SMIM12: variants seen among roughly 807,000 people sequenced by gnomAD.
SMIM12 encodes the protein small integral membrane protein 12.
A neutral mutation model predicts 6.3 loss-of-function variants in SMIM12; 5 were observed. The observed-to-expected ratio is 0.80, with a 90% CI of 0.42 to 1.68. The LOEUF is 1.68. Among genes scored for constraint, SMIM12 ranks in the 40% most tolerant of loss-of-function variants. The pLI, the probability that SMIM12 is intolerant of heterozygous loss-of-function variation, is 0.02. For synonymous variants in SMIM12, 51 were observed against 48.0 expected (o/e 1.06, Z -0.26); for missense variants, 103 against 121.4 (o/e 0.85, Z 0.71).
intron 1 of SMIM12, 30 bp from the exon 2 acceptor site, chr1:34,856,012 A>C: frequency 6.6e-7 from 1 of 1,514,444 alleles, no homozygotes; most frequent in Non-Finnish European, 8.9e-7. Flanking sequence ...AGCATTAGAG[A>C]ACCCAGCATC....
In SMIM12 at chr1:34,855,507, C is replaced by T; in HGVS notation, c.*192G>A. 6.2e-7 allele frequency: 1 copy of T among 1,609,466 alleles called. No homozygotes were observed. The highest frequency in any genetic ancestry group is 8.5e-7 in the Non-Finnish European group (1 of 1,177,484). On this transcript the variant is annotated 3_prime_UTR_variant, in exon 2 of 2. Coordinates refer to ENST00000521580, the MANE Select transcript of SMIM12 (RefSeq NM_138428.6). Reference sequence around the variant, plus strand: ...ACCACACAACAGATGCGGCCTTCCTCTTCACTGGCCCCTCGGCTGCTGCTG... The same window carrying T: ...ACCACACAACAGATGCGGCCTTCCTTTTCACTGGCCCCTCGGCTGCTGCTG...
intron 1 of SMIM12, chr1:34,859,418 C>T (rs1326817756): frequency 1.3e-5 from 2 of 152,372 alleles, no homozygotes; most frequent in Admixed American, 6.5e-5. Context: ...ACCCTTCTCC[C>T]TTCTGTGAGT....
intron 1 of SMIM12, chr1:34,858,058 G>A (rs988855382): frequency 2.0e-5 from 3 of 151,730 alleles, no homozygotes; most frequent in Admixed American, 1.3e-4. Flanking sequence ...GACCACCACT[G>A]GTCTGTGGCC....
rs35799927 is a variant in SMIM12, at chr1:34,855,390, G to A, written c.*309C>T. 1,643 of 1,485,164 alleles carry A rather than the reference G, an allele frequency of 1.1e-3. 19 individuals are homozygous for A. The African/African-American group carries it at 0.017, about 16-fold the overall frequency. The allele number at this position is 1,485,164 out of a possible 1,614,324, so 92.0% of individuals were successfully genotyped here. On this transcript the variant is annotated 3_prime_UTR_variant, in exon 2 of 2. Transcript: ENST00000521580. ...AGCCATTCCCACTAGAGGCCAAACC[G>A]CCTGCCCACAGAGATTGACAGCCAA...
Position 34,850,743 on chromosome 1 carries a change from AC to A in SMIM12, c.*4955del, listed in dbSNP as rs1640912240. 6.6e-6 allele frequency: 1 copy of A among 152,078 alleles called. No individual in the cohort carries two copies. 9.4% of individuals were successfully genotyped at this position (152,078 alleles called of 1,614,324 possible). A position where few individuals can be genotyped will look rare whatever the true frequency, so the allele number is the denominator to read the frequency against. ...AAGGCCAGTAGAGGTGAAGCGGCAT[AC>A]CCCAGGTCATCACTCAGATCGCTTG... On this transcript the variant is annotated 3_prime_UTR_variant, in exon 2 of 2. Coordinates refer to ENST00000521580, the MANE Select transcript of SMIM12 (RefSeq NM_138428.6).
rs1209101613 is a variant in SMIM12 at position 34,855,844 on chromosome 1, T to C, written c.134A>G (p.Glu45Gly). Reference protein sequence around the residue: ...IRGKDPQPVEEEKSISERRED... With the variant: ...IRGKDPQPVEGEKSISERRED... ...CCGGCGCTCTGAGATGCTCTTTTCC[T>C]CCTCCACGGGCTGGGGGTCCTTTCC... Residue 45 changes from glutamate (E) to glycine (G), a missense_variant, in exon 2 of 2, where the codon GAG becomes GGG. By Grantham distance (98) the Glu-to-Gly change is moderately conservative (BLOSUM62 -2). Coordinates refer to ENST00000521580, the MANE Select transcript of SMIM12 (RefSeq NM_138428.6). 1.9e-6 allele frequency: 3 copies of C among 1,551,750 alleles called. No homozygotes were observed. Among genetic ancestry groups the C allele is most frequent in the East Asian group, 4.9e-5 (2 of 40,918 alleles).
At position 34,850,441 on chromosome 1, in the gene SMIM12, G is replaced by A. The variant is rs938798438; in HGVS notation, c.*5258C>T. Among the ~76,000 whole-genome samples the A allele has an allele frequency of 1.3e-5, 2 of 152,190 alleles. No homozygotes were observed. On this transcript the variant is annotated 3_prime_UTR_variant, in exon 2 of 2. Transcript: ENST00000521580. ...GCACTGCTGGAACAGGATGAAAACT[G>A]ATACACCGGTTACTAATTACTCTTC...
chr1:34,856,947 TAATTCC>T (rs1230071635), intron 1 of SMIM12, among the ~76,000 whole-genome samples: 1 of 152,044 alleles, frequency 6.6e-6, no homozygotes, highest in East Asian at 1.9e-4. Flanking sequence ...CTCACACCTG[TAATTCC>T]AGAACTTTGG....
rs141693729 is a variant in SMIM12 at position 34,855,223 on chromosome 1, C to T, written c.*476G>A. 7.3e-7 allele frequency: 1 copy of T among 1,368,718 alleles called. No individual in the cohort carries two copies. The allele number at this position is 1,368,718 out of a possible 1,614,324, so 84.8% of individuals were successfully genotyped here. A position where few individuals can be genotyped will look rare whatever the true frequency, so the allele number is the denominator to read the frequency against. ...TTCCTGGGGGAATCCCATTCCTGAG[C>T]TGACAAGACAGATTTCAGTAAGAAT... On this transcript the variant is annotated 3_prime_UTR_variant, in exon 2 of 2. Coordinates refer to ENST00000521580, the MANE Select transcript of SMIM12 (RefSeq NM_138428.6).
rs929873848 is a variant in SMIM12, at chr1:34,854,847, C to A, written c.*852G>T. 9.3e-6 allele frequency: 2 copies of A among 215,752 alleles called. No individual in the cohort carries two copies. Among genetic ancestry groups the A allele is most frequent in the Non-Finnish European group, 1.9e-5 (2 of 106,756 alleles). 13.4% of individuals were successfully genotyped at this position (215,752 alleles called of 1,614,324 possible). ...CTACCTCCATTTAGACTTGAAGGTG[C>A]TGCAGCCAATTGTAATAATGGTAAA... On this transcript the variant is annotated 3_prime_UTR_variant, in exon 2 of 2. Coordinates refer to ENST00000521580, the MANE Select transcript of SMIM12 (RefSeq NM_138428.6).
At position 34,856,014 on chromosome 1, in the gene SMIM12, C is replaced by G. The variant is rs1414568699; in HGVS notation, c.-5-32G>C. The stretch of plus-strand genomic sequence containing the variant: ...AAAAGCACAAGGCAGCATTAGAGAA[C>G]CCAGCATCATCTCCCACCAAATAAG... On this transcript the variant is annotated intron_variant, in intron 1 of 1. Transcript: ENST00000521580. 4.6e-6 allele frequency: 7 copies of G among 1,512,346 alleles called. No individual in the cohort carries two copies. In the Admixed American group the frequency reaches 1.4e-4, roughly 31 times the overall value. 93.7% of individuals were successfully genotyped at this position (1,512,346 alleles called of 1,614,324 possible). A position where few individuals can be genotyped will look rare whatever the true frequency, so the allele number is the denominator to read the frequency against.
rs955120287 is a variant in SMIM12 at position 34,850,389 on chromosome 1, G to T, written c.*5310C>A. Among the ~76,000 whole-genome samples the T allele has an allele frequency of 6.6e-6, 1 of 152,150 alleles. No individual in the cohort carries two copies. The highest frequency in any genetic ancestry group is 2.4e-5 in the African/African-American group (1 of 41,430). On this transcript the variant is annotated 3_prime_UTR_variant, in exon 2 of 2. Transcript: ENST00000521580. ...GATGTTAACAAGTTTAATTCAAAAA[G>T]AATAAACTGTTTTTTAAGTACCAGA...
rs1317729205 is a variant in SMIM12 at position 34,855,790 on chromosome 1, C to T, written c.188G>A (p.Gly63Asp). The change falls in exon 2 of 2, where the codon GGC (glycine) becomes GAC (aspartate). Residue 63 changes from glycine to aspartate, a missense_variant. Coordinates refer to ENST00000521580, the MANE Select transcript of SMIM12 (RefSeq NM_138428.6). ...GCTCACCACCTGCGTGTGGTCCTTG[C>T]CTAGAAGCTCATCCAGCTTGCGATC... is the stretch of plus-strand genomic sequence containing the variant. ...REDRKLDELL[G>D]KDHTQVVSLK... 1 of 1,558,892 alleles carries T rather than the reference C, an allele frequency of 6.4e-7. No homozygotes were observed. The highest frequency in any genetic ancestry group is 1.4e-5 in the African/African-American group (1 of 73,344).
In SMIM12 at chr1:34,852,476, A is replaced by AAAAAAAAAAAAC. The variant is rs1638476306; in HGVS notation, c.*3222_*3223insGTTTTTTTTTTT. Among the ~76,000 whole-genome samples the AAAAAAAAAAAAC allele has an allele frequency of 6.7e-6, 1 of 149,742 alleles. No individual in the cohort carries two copies. Among genetic ancestry groups the AAAAAAAAAAAAC allele is most frequent in the African/African-American group, 2.5e-5 (1 of 39,720 alleles). On this transcript the variant is annotated 3_prime_UTR_variant, in exon 2 of 2. Coordinates refer to ENST00000521580, the MANE Select transcript of SMIM12 (RefSeq NM_138428.6). The stretch of plus-strand genomic sequence containing the variant: ...TTGTTAGATCGCCAAAAAAAAAAAA[A>AAAAAAAAAAAAC]AAAAAAAAACCATAATTATAGGTGT...
chr1:34,851,133 A>G lies in SMIM12; in HGVS notation c.*4566T>C, dbSNP rs1431383318. 3 of 152,222 alleles carry G rather than the reference A, an allele frequency of 2.0e-5. No homozygotes were observed. The highest frequency in any genetic ancestry group is 4.4e-5 in the Non-Finnish European group (3 of 68,052). The allele number at this position is 152,222 out of a possible 1,614,324, so 9.4% of individuals were successfully genotyped here. On this transcript the variant is annotated 3_prime_UTR_variant, in exon 2 of 2. Transcript: ENST00000521580. ...CAATTAAAGCTGCTAACATTTACTGAGTACCTACTGGTTGTTGTGAGGATG... is the reference window on the plus strand; with the variant it reads ...CAATTAAAGCTGCTAACATTTACTGGGTACCTACTGGTTGTTGTGAGGATG...
rs934425866 is a variant in SMIM12 at position 34,857,640 on chromosome 1, C to A, written c.-5-1658G>T. The A allele has an allele frequency of 2.8e-4, 42 of 152,310 alleles. 1 individual carries two copies. Among genetic ancestry groups the A allele is most frequent in the African/African-American group, 9.4e-4 (39 of 41,574 alleles). The allele number at this position is 152,310 out of a possible 1,614,324, so 9.4% of individuals were successfully genotyped here. The stretch of plus-strand genomic sequence containing the variant: ...ACTACTATCTCTGATCTAAAGTGAA[C>A]AATCGAAACCTCACCAAGGATAAGA... On this transcript the variant is annotated intron_variant, in intron 1 of 1. Transcript: ENST00000521580.
At chr1:34,856,263 T>C (rs1291918438) in intron 1 of SMIM12, among the ~76,000 whole-genome samples, 1 of 151,990 alleles carries the variant, frequency 6.6e-6, no homozygotes, top group African/African-American at 2.4e-5. Flanking sequence ...GGTTTCACCA[T>C]GTTGGTCAGG....
chr1:34,856,378 G>A (rs1638653928), intron 1 of SMIM12, among the ~76,000 whole-genome samples: 1 of 152,150 alleles, frequency 6.6e-6, no homozygotes, highest in South Asian at 2.1e-4. Context: ...ACAATTTACT[G>A]AGCACCCACC....
In SMIM12 at chr1:34,855,083, A is replaced by G; in HGVS notation, c.*616T>C. The G allele has an allele frequency of 1.5e-6, 2 of 1,296,960 alleles. No individual in the cohort carries two copies. Among genetic ancestry groups the G allele is most frequent in the South Asian group, 2.7e-5 (2 of 75,210 alleles). The allele number at this position is 1,296,960 out of a possible 1,614,324, so 80.3% of individuals were successfully genotyped here. On this transcript the variant is annotated 3_prime_UTR_variant, in exon 2 of 2. Transcript: ENST00000521580. ...TACCACTTTAATCAGGTTTTTCACTATACAGTGATGGGGGTAGAAGATGGT... is the reference window on the plus strand; with the variant it reads ...TACCACTTTAATCAGGTTTTTCACTGTACAGTGATGGGGGTAGAAGATGGT...
Sources: allele counts gnomAD v4.1 joint callset (sites outside exome capture counted in the v4.1 genomes callset), GRCh38; gene constraint gnomAD v4.1.1; transcripts MANE v1.5; gene names NCBI Gene and HGNC (gene_info 2026-07-23, HGNC 2026-07-21).